Variants in IGSF5 observed in about 807,000 individuals in gnomAD.
IGSF5 encodes the protein immunoglobulin superfamily 5 like.
Under a neutral mutation model 39.4 loss-of-function variants are expected in IGSF5, and 41 were observed. The observed-to-expected ratio is 1.04, with a 90% confidence interval of 0.81 to 1.35. The LOEUF is 1.35. Ranked by LOEUF, IGSF5 falls within the 40% of genes most tolerant of loss-of-function variation. The probability of loss-of-function intolerance (pLI) is 0.00; values close to 1 mark genes in which losing one functional copy is unlikely to be tolerated. For missense variants in IGSF5, 487 were observed against 494.6 expected (o/e 0.98, Z 0.15); for synonymous variants, 183 against 175.3 (o/e 1.04, Z -0.34).
chr21:39,784,870 C>T (rs1037673676), intron 5 of IGSF5, among the ~76,000 whole-genome samples: 1 of 152,104 alleles, frequency 6.6e-6, no homozygotes, highest in East Asian at 1.9e-4. Flanking sequence ...TCTCAGTAAG[C>T]CGACGGATTA....
chr21:39,769,678 C>T (rs921847287), intron 3 of IGSF5, among the ~76,000 whole-genome samples: 17 of 151,916 alleles, frequency 1.1e-4, no homozygotes, highest in African/African-American at 3.6e-4. Flanking sequence ...CCAGACATTA[C>T]AGAGATTTAT....
chr21:39,748,301 C>CGTTTTTTTTT (rs2079985758), intron 2 of IGSF5, among the ~76,000 whole-genome samples: 1 of 58,216 alleles, frequency 1.7e-5, no homozygotes, highest in Admixed American at 3.1e-4. Flanking sequence ...AAAACAAGAT[C>CGTTTTTTTTT]TTTTTTTTTT....
At chr21:39,773,700 G>A (rs747892542) in intron 4 of IGSF5, among the ~76,000 whole-genome samples, 3 of 151,936 alleles carry the variant, frequency 2.0e-5, no homozygotes, top group Non-Finnish European at 4.4e-5. Context: ...TCTCCACCTG[G>A]AATCAGTCAT....
chr21:39,795,257 C>A (rs1365797359), intron 8 of IGSF5, among the ~76,000 whole-genome samples: 2 of 152,060 alleles, frequency 1.3e-5, no homozygotes, highest in Non-Finnish European at 2.9e-5. Context: ...AACAGGTTTC[C>A]TTTAGAAGGA....
At chr21:39,744,508 C>T (rs1412457942), upstream of IGSF5, among the ~76,000 whole-genome samples, 1 of 152,200 alleles carries the variant, frequency 6.6e-6, no homozygotes, top group East Asian at 1.9e-4. Context: ...GTATCAATTA[C>T]TGAATACCCA....
the IGSF5 span, among the ~76,000 whole-genome samples, chr21:39,737,655 C>T: frequency 1.6e-4 from 24 of 152,306 alleles, no homozygotes; most frequent in East Asian, 3.9e-4. Flanking sequence ...GGAAGGGGGG[C>T]GGAGCTTCCA....
rs1035741200 is a variant in IGSF5 at position 39,792,214 on chromosome 21, T to A, written c.1048+115T>A. The A allele has an allele frequency of 7.0e-5, 44 of 628,794 alleles. No individual in the cohort carries two copies. The Admixed American group carries it at 7.5e-4, about 11-fold the overall frequency. The allele number at this position is 628,794 out of a possible 1,614,324, so 39.0% of individuals were successfully genotyped here. A position where few individuals can be genotyped will look rare whatever the true frequency, so the allele number is the denominator to read the frequency against. On this transcript the variant is annotated intron_variant, in intron 7 of 8. Coordinates refer to ENST00000380588, the MANE Select transcript of IGSF5 (RefSeq NM_001080444.2). ...CTAACTTGGCAATGGTGGTTATTAT[T>A]TTTTGGATAAATTTTAGAAGAAGAA...
intron 8 of IGSF5, among the ~76,000 whole-genome samples, chr21:39,799,483 A>T (rs1023538939): frequency 6.6e-6 from 1 of 151,510 alleles, no homozygotes; most frequent in African/African-American, 2.4e-5. Context: ...ATCATTCTCC[A>T]GGTGATCTGC....
intron 5 of IGSF5, among the ~76,000 whole-genome samples, chr21:39,783,833 T>C (rs1343327677): frequency 6.6e-6 from 1 of 152,242 alleles, no homozygotes; most frequent in Admixed American, 6.5e-5. Context: ...TGTTTTCTTC[T>C]AGTAGTTTTA....
intron 5 of IGSF5, among the ~76,000 whole-genome samples, chr21:39,783,498 C>A (rs2080181891): frequency 6.6e-6 from 1 of 151,976 alleles, no homozygotes; most frequent in Admixed American, 6.6e-5. Flanking sequence ...ATTTGTTGAC[C>A]ATTTACATGT....
In IGSF5 at chr21:39,753,928, G is replaced by GTT. The variant is rs200030478; in HGVS notation, c.100+7638_100+7639dup. Among the ~76,000 whole-genome samples, 24 of 137,716 alleles carry GTT rather than the reference G, an allele frequency of 1.7e-4. 1 individual carries two copies. The Admixed American group carries it at 1.8e-3, about 10-fold the overall frequency. 90.3% of individuals were successfully genotyped at this position (137,716 alleles called of 152,430 possible). A position where few individuals can be genotyped will look rare whatever the true frequency, so the allele number is the denominator to read the frequency against. On this transcript the variant is annotated intron_variant, in intron 2 of 8. Coordinates refer to ENST00000380588, the MANE Select transcript of IGSF5 (RefSeq NM_001080444.2). ...GTAGATATTTGGTTGGTGTTTTTTT[G>GTT]TTTTTTTTTAGTCCATTCTGCCATT...
intron 2 of IGSF5, among the ~76,000 whole-genome samples, chr21:39,760,478 G>A (rs535107619): frequency 2.7e-4 from 41 of 152,198 alleles, no homozygotes; most frequent in Non-Finnish European, 5.6e-4. Flanking sequence ...GCCAGAAAGA[G>A]TTGATGAGGT....
upstream of IGSF5, among the ~76,000 whole-genome samples, chr21:39,740,364 C>A (rs755336048): frequency 6.6e-6 from 1 of 152,156 alleles, no homozygotes; most frequent in African/African-American, 2.4e-5. Flanking sequence ...AATAATAATT[C>A]CCTAATGGCT....
chr21:39,714,895 C>T, the IGSF5 span, among the ~76,000 whole-genome samples: 1 of 152,110 alleles, frequency 6.6e-6, no homozygotes, highest in South Asian at 2.1e-4. Flanking sequence ...CAATTCAGCC[C>T]ATAACTTGTG....
the IGSF5 span, among the ~76,000 whole-genome samples, chr21:39,712,262 G>A: frequency 5.9e-5 from 9 of 152,188 alleles, no homozygotes; most frequent in Non-Finnish European, 8.8e-5. Context: ...AGGGCAGTGC[G>A]GGATGTGATA....
the IGSF5 span, among the ~76,000 whole-genome samples, chr21:39,723,798 C>G: frequency 6.6e-6 from 1 of 152,166 alleles, no homozygotes; most frequent in Non-Finnish European, 1.5e-5. Flanking sequence ...AGAAATGAAT[C>G]TTTAAGAAAT....
chr21:39,743,363 T>C (rs1384511533), upstream of IGSF5, among the ~76,000 whole-genome samples: 1 of 152,230 alleles, frequency 6.6e-6, no homozygotes, highest in Non-Finnish European at 1.5e-5. Flanking sequence ...CCATGTCAGA[T>C]CAAAGGATTG....
At chr21:39,767,389 G>C (rs955543450) in intron 3 of IGSF5, among the ~76,000 whole-genome samples, 2 of 152,200 alleles carry the variant, frequency 1.3e-5, no homozygotes, top group Non-Finnish European at 2.9e-5. Context: ...GGGAGCCAGA[G>C]TGGTCTAGTG....
chr21:39,728,298 T>C, the IGSF5 span, among the ~76,000 whole-genome samples: 1 of 152,150 alleles, frequency 6.6e-6, no homozygotes, highest in Non-Finnish European at 1.5e-5. Flanking sequence ...CCAGTATGAC[T>C]GGTGTCCTTA....
Sources: allele counts gnomAD v4.1 joint callset (sites outside exome capture counted in the v4.1 genomes callset), GRCh38; gene constraint gnomAD v4.1.1; transcripts MANE v1.5; gene names NCBI Gene and HGNC (gene_info 2026-07-23, HGNC 2026-07-21).